The following PSMD12 variants were observed in gnomAD, a reference collection of about 807,000 sequenced individuals.
PSMD12 encodes proteasome 26S subunit, non-ATPase 12.
A neutral mutation model predicts 62.9 loss-of-function variants in PSMD12; 8 were observed. That is an observed-to-expected ratio of 0.13 (90% confidence interval 0.07 to 0.23). PSMD12 has a LOEUF of 0.23. Ranked by LOEUF, PSMD12 falls within the 10% of genes least tolerant of loss-of-function variation. The pLI, the probability that PSMD12 is intolerant of heterozygous loss-of-function variation, is 1.00. For missense variants in PSMD12, 424 were observed against 550.2 expected (o/e 0.77, Z 2.29); for synonymous variants, 173 against 187.4 (o/e 0.92, Z 0.63).
At chr17:67,344,858 A>T (rs1157668739) in intron 8 of PSMD12, 78 bp from the exon 9 acceptor site, 2 of 1,236,100 alleles carry the variant, frequency 1.6e-6, no homozygotes, top group Admixed American at 2.7e-5. Context: ...AGTTCAAAAA[A>T]TTCAGCAAAG....
chr17:67,359,691 A>C (rs1419448771), intron 1 of PSMD12, among the ~76,000 whole-genome samples: 4 of 152,196 alleles, frequency 2.6e-5, no homozygotes, highest in Non-Finnish European at 4.4e-5. Flanking sequence ...GGCCCGTCTG[A>C]ACTTATTTTA....
At position 67,340,310 on chromosome 17, in the gene PSMD12, C is replaced by G. The variant is rs999144061; in HGVS notation, c.*533G>C. 6.6e-6 allele frequency: 1 copy of G among 151,668 alleles called. No homozygotes were observed. The highest frequency in any genetic ancestry group is 6.6e-5 in the Admixed American group (1 of 15,212). The allele number at this position is 151,668 out of a possible 1,614,324, so 9.4% of individuals were successfully genotyped here. A position where few individuals can be genotyped will look rare whatever the true frequency, so the allele number is the denominator to read the frequency against. Reference sequence around the variant, plus strand: ...AGCATACACACTCAGTCTAGACTTTCCGCCACAATATCAAAGTACAAATTC... The same window carrying G: ...AGCATACACACTCAGTCTAGACTTTGCGCCACAATATCAAAGTACAAATTC... On this transcript the variant is annotated 3_prime_UTR_variant, in exon 11 of 11. Coordinates refer to ENST00000356126, the MANE Select transcript of PSMD12 (RefSeq NM_002816.5).
At chr17:67,352,272 T>G (rs1198985968) in intron 3 of PSMD12, among the ~76,000 whole-genome samples, 1 of 152,020 alleles carries the variant, frequency 6.6e-6, no homozygotes, top group Non-Finnish European at 1.5e-5. Context: ...TTTTTAAAGT[T>G]TTTTTGTAAA....
At chr17:67,343,339 C>G (rs1287443583) in intron 9 of PSMD12, among the ~76,000 whole-genome samples, 1 of 152,164 alleles carries the variant, frequency 6.6e-6, no homozygotes, top group Non-Finnish European at 1.5e-5. Context: ...AAAACAATCC[C>G]ATTCCAAGCA....
chr17:67,361,307 C>T (rs989018723), intron 1 of PSMD12: 1 of 152,182 alleles, frequency 6.6e-6, no homozygotes, highest in African/African-American at 2.4e-5. Flanking sequence ...CACAGCCAGG[C>T]ATGGTGGCTC....
intron 10 of PSMD12, 104 bp downstream of exon 10, chr17:67,342,082 C>T (rs1261821905): frequency 2.2e-6 from 2 of 907,300 alleles, no homozygotes; most frequent in Admixed American, 2.2e-5. Context: ...ACTCTATTAC[C>T]TAAACATAAA....
At chr17:67,347,632 G>A (rs2041980528) in intron 5 of PSMD12, 147 bp from the exon 6 acceptor site, 4 of 735,008 alleles carry the variant, frequency 5.4e-6, no homozygotes, top group Non-Finnish European at 8.1e-6. Context: ...TACATTAAAA[G>A]CTAGTTACCG....
rs546649493 is a variant in PSMD12 at position 67,349,262 on chromosome 17, G to A, written c.406-608C>T. 1.4e-3 allele frequency among the ~76,000 whole-genome samples: 220 copies of A among 152,218 alleles called. 1 individual carries two copies. The highest frequency in any genetic ancestry group is 5.0e-3 in the African/African-American group (206 of 41,554). ...TTGAACTCCAGACCTTAGATGATCC[G>A]CCCACCTCGGCCTCCCAAGGTGCTG... On this transcript the variant is annotated intron_variant, in intron 4 of 10. Transcript: ENST00000356126.
In PSMD12 at chr17:67,355,969, T is replaced by TACACAC. The variant is rs59875246; in HGVS notation, c.297+1328_297+1333dup. ...GTAGTGAGACCCAAGCCCCCATTTCTACACACACACACACACACACACACA... is the reference window on the plus strand; with the variant it reads ...GTAGTGAGACCCAAGCCCCCATTTCTACACACACACACACACACACACACACACACA... On this transcript the variant is annotated intron_variant, in intron 3 of 10. Coordinates refer to ENST00000356126, the MANE Select transcript of PSMD12 (RefSeq NM_002816.5). 1.1e-3 allele frequency among the ~76,000 whole-genome samples: 157 copies of TACACAC among 145,852 alleles called. 1 individual carries two copies. Among genetic ancestry groups the TACACAC allele is most frequent in the South Asian group, 7.8e-3 (35 of 4,466 alleles).
chr17:67,357,913 C>T (rs551337507), intron 1 of PSMD12, among the ~76,000 whole-genome samples: 2 of 145,522 alleles, frequency 1.4e-5, no homozygotes, highest in East Asian at 2.0e-4. Flanking sequence ...TGTGGTAACA[C>T]CTGTTTATCT....
intron 5 of PSMD12, 124 bp from the exon 6 acceptor site, chr17:67,347,609 G>C (rs17726709): frequency 0.22 from 206,834 of 922,262 alleles, 25,547 homozygotes; most frequent in South Asian, 0.35. Flanking sequence ...TATATAGGGA[G>C]AGTGTTGACA....
In PSMD12 at chr17:67,345,843, A is replaced by G. The variant is rs146623240; in HGVS notation, c.810T>C (p.Val270=). 1 of 1,612,656 alleles carries G rather than the reference A, an allele frequency of 6.2e-7. No homozygotes were observed. ...SEKWQQALKS[V]VLYVILAPFD... ...AAGGAGCCAGGATAACATAGAGTAC[A>G]ACACTCTTCAGAGCCTAAAAGAGTT... Residue 270 remains valine, a synonymous_variant, in exon 8 of 11, where the codon GTT becomes GTC. Coordinates refer to ENST00000356126, the MANE Select transcript of PSMD12 (RefSeq NM_002816.5).
chr17:67,353,373 C>G (rs1035486041), intron 3 of PSMD12, among the ~76,000 whole-genome samples: 2 of 150,016 alleles, frequency 1.3e-5, no homozygotes, highest in African/African-American at 4.9e-5. Flanking sequence ...AGAGTGCGAT[C>G]TTGGCTCACT....
At chr17:67,362,555 G>A (rs1391796715) in intron 1 of PSMD12, among the ~76,000 whole-genome samples, 1 of 140,058 alleles carries the variant, frequency 7.1e-6, no homozygotes, top group Non-Finnish European at 1.6e-5. Context: ...CCAGCTACTG[G>A]GGACGCCGAG....
chr17:67,359,954 T>C (rs1264855523), intron 1 of PSMD12, among the ~76,000 whole-genome samples: 1 of 152,236 alleles, frequency 6.6e-6, no homozygotes, highest in East Asian at 1.9e-4. Context: ...CATTTCATTT[T>C]AGAGATTAAA....
Position 67,360,844 on chromosome 17 carries a change from A to G in PSMD12, c.109-3266T>C, listed in dbSNP as rs139891683. Among the ~76,000 whole-genome samples, 146 of 152,338 alleles carry G rather than the reference A, an allele frequency of 9.6e-4. 1 individual carries two copies. The highest frequency in any genetic ancestry group is 1.5e-3 in the Non-Finnish European group (105 of 68,032). On this transcript the variant is annotated intron_variant, in intron 1 of 10. Transcript: ENST00000356126. ...ACGATTCCTGATTCTTACTGTCACA[A>G]TAAGCAGGATGTGACAAACTATACC...
At chr17:67,349,021 C>CT (rs760408511) in intron 4 of PSMD12, among the ~76,000 whole-genome samples, 5 of 152,052 alleles carry the variant, frequency 3.3e-5, no homozygotes, top group Admixed American at 1.3e-4. Context: ...AACTGAACTA[C>CT]TTTTTTTTGT....
intron 1 of PSMD12, chr17:67,361,146 T>C (rs1862387622): frequency 1.3e-5 from 2 of 152,212 alleles, no homozygotes; most frequent in South Asian, 4.1e-4. Context: ...AAATAATCCT[T>C]GTAAATGATG....
In PSMD12 at chr17:67,344,607, T is replaced by C. The variant is rs1183040546; in HGVS notation, c.1082A>G (p.His361Arg). 2 of 1,599,340 alleles carry C rather than the reference T, an allele frequency of 1.3e-6. No individual in the cohort carries two copies. The highest frequency in any genetic ancestry group is 1.7e-5 in the Admixed American group (1 of 57,750). The change falls in exon 9 of 11, where the codon CAT (histidine) becomes CGT (arginine). Residue 361 changes from histidine (H) to arginine (R), a missense_variant and splice_region_variant. Coordinates refer to ENST00000356126, the MANE Select transcript of PSMD12 (RefSeq NM_002816.5). ...GTCATCTCTATGACAGATTCTTACA[T>C]GTTCAACAACTCTGTTCTTCAAGTC... The part of the protein sequence containing the change: ...WKDLKNRVVE[H>R]NIRIMAKYYT...
Sources: gnomAD v4.1 joint callset for allele counts (sites outside exome capture counted in the v4.1 genomes callset) on GRCh38, gnomAD v4.1.1 for gene constraint, MANE v1.5 for transcripts, NCBI Gene and HGNC (gene_info 2026-07-23, HGNC 2026-07-21) for gene names.